Variants in COL28A1 observed in about 807,000 individuals in gnomAD.
COL28A1 encodes the protein collagen alpha-1(XXVIII) chain.
Under a neutral mutation model 150.2 loss-of-function variants are expected in COL28A1, and 161 were observed. That is an observed-to-expected ratio of 1.07 (90% confidence interval 0.94 to 1.22). The LOEUF (loss-of-function observed/expected upper bound fraction) is 1.22. COL28A1 is among the 50% of genes most tolerant of loss of function. The probability of loss-of-function intolerance (pLI) is 0.00; values close to 1 mark genes in which losing one functional copy is unlikely to be tolerated. For synonymous variants in COL28A1, 552 were observed against 469.7 expected (o/e 1.18, Z -2.26); for missense variants, 1,617 against 1,388.3 (o/e 1.16, Z -2.62).
chr7:7,529,518 A>C (rs1782226280), intron 3 of COL28A1, among the ~76,000 whole-genome samples: 1 of 152,144 alleles, frequency 6.6e-6, no homozygotes, highest in Non-Finnish European at 1.5e-5. Flanking sequence ...CCGGATGCTA[A>C]GGAAGAGCAG....
intron 27 of COL28A1, among the ~76,000 whole-genome samples, chr7:7,404,642 T>C (rs1783397659): frequency 6.6e-6 from 1 of 152,126 alleles, no homozygotes; most frequent in African/African-American, 2.4e-5. Context: ...TATTATCTAC[T>C]CATAAGGCCA....
chr7:7,497,896 G>C (rs1175056548), intron 11 of COL28A1, among the ~76,000 whole-genome samples: 1 of 152,142 alleles, frequency 6.6e-6, no homozygotes. Flanking sequence ...ACTGAGTTTG[G>C]AACCACTATT....
At chr7:7,407,704 G>C (rs1044568908) in intron 27 of COL28A1, among the ~76,000 whole-genome samples, 1 of 152,102 alleles carries the variant, frequency 6.6e-6, no homozygotes, top group African/African-American at 2.4e-5. Flanking sequence ...AATGCAGGCA[G>C]AGAGTGGTTT....
rs546764787 is a variant in COL28A1 at position 7,403,619 on chromosome 7, T to C, written c.2136+14240A>G. 1.2e-4 allele frequency among the ~76,000 whole-genome samples: 19 copies of C among 152,320 alleles called. 1 individual carries two copies. The East Asian group carries it at 3.3e-3, about 26-fold the overall frequency. ...ATGAGTGCTACTTTTCTTAAATGTA[T>C]GTACTAAACCTGGTAATGTGACTTA... On this transcript the variant is annotated intron_variant, in intron 27 of 34. Coordinates refer to ENST00000399429, the MANE Select transcript of COL28A1 (RefSeq NM_001037763.3).
chr7:7,455,908 T>A, intron 16 of COL28A1, 136 bp downstream of exon 16: 1 of 1,145,874 alleles, frequency 8.7e-7, no homozygotes, highest in South Asian at 3.1e-5. Flanking sequence ...TTCCCTATAT[T>A]CACTTCTGGA....
In COL28A1 at chr7:7,493,248, A is replaced by G. The variant is rs1480227660; in HGVS notation, c.1027-2602T>C. 2.6e-5 allele frequency among the ~76,000 whole-genome samples: 4 copies of G among 152,112 alleles called. No individual in the cohort carries two copies. In the East Asian group the frequency reaches 7.7e-4, roughly 29 times the overall value. On this transcript the variant is annotated intron_variant, in intron 11 of 34. Transcript: ENST00000399429. ...GGCATCTAAATTATATATTTGGTAGAGAATTTGAGGATTTTTTGAGTAGTG... is the reference window on the plus strand; with the variant it reads ...GGCATCTAAATTATATATTTGGTAGGGAATTTGAGGATTTTTTGAGTAGTG...
chr7:7,454,004 G>A (rs547713977), intron 16 of COL28A1, among the ~76,000 whole-genome samples: 2 of 152,192 alleles, frequency 1.3e-5, no homozygotes, highest in Non-Finnish European at 2.9e-5. Flanking sequence ...ATAGTCAGTA[G>A]ATACCAAACT....
Position 7,464,890 on chromosome 7 carries a change from C to T in COL28A1, c.1303-8778G>A, listed in dbSNP as rs146921663. ...TTGAAAAGATAAATTGATAGACCAT[C>T]AGCAAGATTAACCAAGAAAAGAAGG... is the stretch of plus-strand genomic sequence containing the variant. On this transcript the variant is annotated intron_variant, in intron 15 of 34. Transcript: ENST00000399429. 4.6e-3 allele frequency among the ~76,000 whole-genome samples: 707 copies of T among 152,194 alleles called. 5 individuals carry two copies. Among genetic ancestry groups the T allele is most frequent in the East Asian group, 0.022 (115 of 5,176 alleles).
chr7:7,432,438 T>C, intron 25 of COL28A1, 35 bp downstream of exon 25: 3 of 1,590,146 alleles, frequency 1.9e-6, no homozygotes, highest in Non-Finnish European at 2.6e-6. Context: ...GGTGCACTCT[T>C]AGAAGCTAGT....
At chr7:7,530,591 C>G (rs1024226764) in intron 3 of COL28A1, among the ~76,000 whole-genome samples, 5 of 152,132 alleles carry the variant, frequency 3.3e-5, no homozygotes, top group Non-Finnish European at 7.4e-5. Context: ...TAGGCGTTTT[C>G]TCCTTGAGAA....
chr7:7,501,051 G>A (rs1182400518), intron 11 of COL28A1, among the ~76,000 whole-genome samples: 2 of 152,090 alleles, frequency 1.3e-5, no homozygotes, highest in African/African-American at 4.8e-5. Flanking sequence ...TTATTAAACT[G>A]GGCCAGTCTA....
intron 34 of COL28A1, among the ~76,000 whole-genome samples, chr7:7,359,099 G>C (rs935446184): frequency 2.6e-5 from 4 of 151,990 alleles, no homozygotes; most frequent in Non-Finnish European, 5.9e-5. Flanking sequence ...GACTTCATTG[G>C]CTAATACTTT....
At chr7:7,393,371 A>C (rs746634489) in intron 27 of COL28A1, among the ~76,000 whole-genome samples, 1 of 152,172 alleles carries the variant, frequency 6.6e-6, no homozygotes, top group Non-Finnish European at 1.5e-5. Context: ...TGCCAGACAG[A>C]GCTCTCCTGT....
At chr7:7,351,040 T>C in the COL28A1 span, among the ~76,000 whole-genome samples, 10 of 152,286 alleles carry the variant, frequency 6.6e-5, no homozygotes, top group East Asian at 1.9e-3. Context: ...GACTATGTAA[T>C]TTCTCAGTTT....
chr7:7,403,552 C>T (rs1006613754), intron 27 of COL28A1, among the ~76,000 whole-genome samples: 1 of 152,150 alleles, frequency 6.6e-6, no homozygotes, highest in African/African-American at 2.4e-5. Context: ...CAATAACAGA[C>T]AGACACTTCC....
chr7:7,416,995 A>AAT (rs143086232), intron 27 of COL28A1, among the ~76,000 whole-genome samples: 5,403 of 151,042 alleles, frequency 0.036, 297 homozygotes, highest in African/African-American at 0.12. Context: ...GCATGGTAAA[A>AAT]ATATATATAT....
At chr7:7,457,350 T>C (rs964165451) in intron 15 of COL28A1, among the ~76,000 whole-genome samples, 2 of 151,956 alleles carry the variant, frequency 1.3e-5, no homozygotes, top group African/African-American at 2.4e-5. Context: ...ACCTGGATAA[T>C]GTTGAAGGTA....
chr7:7,405,801 G>A (rs911369472), intron 27 of COL28A1, among the ~76,000 whole-genome samples: 4 of 152,096 alleles, frequency 2.6e-5, no homozygotes, highest in African/African-American at 7.2e-5. Flanking sequence ...ATTGCATAAT[G>A]ATTGGCTGAT....
intron 15 of COL28A1, among the ~76,000 whole-genome samples, chr7:7,462,290 A>G (rs1232343606): frequency 6.6e-6 from 1 of 152,090 alleles, no homozygotes; most frequent in African/African-American, 2.4e-5. Context: ...GAAACAGAAA[A>G]CCAACTCTGG....
Sources: allele counts gnomAD v4.1 joint callset (sites outside exome capture counted in the v4.1 genomes callset), GRCh38; gene constraint gnomAD v4.1.1; transcripts MANE v1.5; gene names NCBI Gene and HGNC (gene_info 2026-07-23, HGNC 2026-07-21).